Variants in TIMP2 observed in about 807,000 individuals in gnomAD.
TIMP2 encodes TIMP metallopeptidase inhibitor 2, also known as metalloproteinase inhibitor 2.
Under a neutral mutation model 24.3 loss-of-function variants are expected in TIMP2, and 5 were observed. The ratio of observed to expected loss-of-function variants is 0.21; its 90% CI spans 0.11 to 0.43. TIMP2 has a LOEUF of 0.43. TIMP2 is among the 20% of genes least tolerant of loss of function. The probability of loss-of-function intolerance (pLI) is 1.00; values close to 1 mark genes in which losing one functional copy is unlikely to be tolerated. For missense variants in TIMP2, 221 were observed against 297.5 expected (o/e 0.74, Z 1.89); for synonymous variants, 130 against 123.2 (o/e 1.06, Z -0.37).
intron 1 of TIMP2, among the ~76,000 whole-genome samples, chr17:78,890,203 CT>C (rs879844069): frequency 0.016 from 2,081 of 134,220 alleles, 21 homozygotes; most frequent in African/African-American, 0.043. Flanking sequence ...TGACAGATTG[CT>C]TTTTTTTTTT....
chr17:78,891,715 G>A lies in TIMP2; in HGVS notation c.131-17796C>T, dbSNP rs1452502279. ...CTTTCTCTTTTTCCTCCACAAGCCC[G>A]ATTTCTCCCACAGCAGCCACGAGTG... On this transcript the variant is annotated intron_variant, in intron 1 of 4. Transcript: ENST00000262768. This position sits in a 1 kb window ranked among gnomAD's most constrained non-coding sequence, Gnocchi z 4.5. 24 of 1,550,962 alleles carry A rather than the reference G, an allele frequency of 1.5e-5. No homozygotes were observed. The highest frequency in any genetic ancestry group is 2.4e-5 in the East Asian group (1 of 40,926).
intron 3 of TIMP2, among the ~76,000 whole-genome samples, chr17:78,865,401 G>A (rs2069602994): frequency 6.6e-6 from 1 of 152,006 alleles, no homozygotes; most frequent in Admixed American, 6.6e-5. Context: ...GAGGTGGGCG[G>A]ATCACCTGAG....
chr17:78,861,356 G>A (rs944115116), intron 3 of TIMP2, among the ~76,000 whole-genome samples: 2 of 152,150 alleles, frequency 1.3e-5, no homozygotes, highest in Non-Finnish European at 2.9e-5. Flanking sequence ...TCTGCATCTC[G>A]CTCCTTAATC....
chr17:78,897,088 A>G, intron 1 of TIMP2: 1 of 731,242 alleles, frequency 1.4e-6, no homozygotes, highest in Non-Finnish European at 1.6e-6. Flanking sequence ...CAGGGCCCAC[A>G]GACAGCACCC....
At chr17:78,858,972 G>A (rs575853230) in intron 3 of TIMP2, among the ~76,000 whole-genome samples, 11 of 152,214 alleles carry the variant, frequency 7.2e-5, no homozygotes, top group Middle Eastern at 3.4e-3. Context: ...GAGCCACTGC[G>A]CCCGGCCAAT....
intron 1 of TIMP2, among the ~76,000 whole-genome samples, chr17:78,880,719 C>A (rs1008351859): frequency 6.6e-6 from 1 of 152,136 alleles, no homozygotes; most frequent in Non-Finnish European, 1.5e-5. Flanking sequence ...AAGAAAATTG[C>A]CTGTAAGAAA....
At chr17:78,859,225 C>T (rs2069549240) in intron 3 of TIMP2, among the ~76,000 whole-genome samples, 2 of 152,280 alleles carry the variant, frequency 1.3e-5, no homozygotes, top group East Asian at 1.9e-4. Flanking sequence ...ACTTCCGGCT[C>T]CTGACTCAGC....
chr17:78,871,184 G>A (rs117264975), intron 2 of TIMP2, among the ~76,000 whole-genome samples, 178 bp from the exon 3 acceptor site: 340 of 152,246 alleles, frequency 2.2e-3, no homozygotes, highest in East Asian at 0.019. Context: ...TGGGCTCAGG[G>A]CTCATGGCTG....
intron 3 of TIMP2, among the ~76,000 whole-genome samples, chr17:78,867,936 A>G (rs2145751612): frequency 6.9e-6 from 1 of 145,260 alleles, no homozygotes; most frequent in Admixed American, 6.8e-5. Context: ...ACTATTCACA[A>G]TTCTCCACAA....
chr17:78,882,556 T>C (rs897130590), intron 1 of TIMP2, among the ~76,000 whole-genome samples: 1 of 152,232 alleles, frequency 6.6e-6, no homozygotes, highest in Non-Finnish European at 1.5e-5. Context: ...AGGATCACAG[T>C]AAAGACAGCT....
chr17:78,923,254 T>C (rs1328958411), intron 1 of TIMP2, among the ~76,000 whole-genome samples: 1 of 151,656 alleles, frequency 6.6e-6, no homozygotes. Context: ...ACTGCAGCCC[T>C]CCACCCTCTG....
chr17:78,892,511 G>A (rs2069917791), intron 1 of TIMP2: 1 of 1,496,218 alleles, frequency 6.7e-7, no homozygotes, highest in Non-Finnish European at 8.9e-7. Context: ...CCAGGAGAGT[G>A]AGCAAAGCCC....
chr17:78,910,206 T>C (rs940087476), intron 1 of TIMP2, among the ~76,000 whole-genome samples: 9 of 152,002 alleles, frequency 5.9e-5, no homozygotes, highest in South Asian at 2.1e-4. Context: ...TTTTTTTTTT[T>C]TTGAGACACG....
intron 2 of TIMP2, 59 bp downstream of exon 2, chr17:78,873,760 C>T: frequency 6.8e-7 from 1 of 1,475,782 alleles, no homozygotes; most frequent in Non-Finnish European, 9.4e-7. Context: ...TCTCTGCCAA[C>T]CCCAACACCC....
At chr17:78,885,655 G>A (rs555993120) in intron 1 of TIMP2, among the ~76,000 whole-genome samples, 1 of 152,200 alleles carries the variant, frequency 6.6e-6, no homozygotes, top group African/African-American at 2.4e-5. Context: ...GGTGGGAAGA[G>A]AGATGCTGGA....
At chr17:78,875,769 T>C (rs915923480) in intron 1 of TIMP2, among the ~76,000 whole-genome samples, 21 of 152,044 alleles carry the variant, frequency 1.4e-4, no homozygotes, top group African/African-American at 5.1e-4. Context: ...TAGAACCCCT[T>C]AGGCAGGGCT....
chr17:78,902,061 T>A (rs947963414), intron 1 of TIMP2: 12 of 506,908 alleles, frequency 2.4e-5, no homozygotes, highest in Non-Finnish European at 3.9e-5. Flanking sequence ...TTCGCCCTCT[T>A]CTCCCCAACT....
At chr17:78,892,894 G>A (rs1388899128) in intron 1 of TIMP2, among the ~76,000 whole-genome samples, 4 of 152,190 alleles carry the variant, frequency 2.6e-5, no homozygotes, top group African/African-American at 9.7e-5. Context: ...AAAGGGCAAG[G>A]GTTAGGATTC....
chr17:78,867,333 C>T (rs1465596877), intron 3 of TIMP2, among the ~76,000 whole-genome samples: 5 of 152,068 alleles, frequency 3.3e-5, no homozygotes, highest in South Asian at 2.1e-4. Flanking sequence ...GGGGAAGTCT[C>T]CTATTATCCC....
Sources: allele counts gnomAD v4.1 joint callset (sites outside exome capture counted in the v4.1 genomes callset), GRCh38; gene constraint gnomAD v4.1.1; non-coding constraint Gnocchi (gnomAD v3.1); transcripts MANE v1.5; gene names NCBI Gene and HGNC (gene_info 2026-07-23, HGNC 2026-07-21).